Variants in ACTR3C observed in about 807,000 individuals in gnomAD.
ACTR3C encodes actin related protein 3C.
A neutral mutation model predicts 26.3 loss-of-function variants in ACTR3C; 18 were observed. That is an observed-to-expected ratio of 0.68 (90% CI 0.47 to 1.01). The LOEUF is 1.01. Ranked by LOEUF, ACTR3C falls within the 50% of genes least tolerant of loss-of-function variation. The pLI, the probability that ACTR3C is intolerant of heterozygous loss-of-function variation, is 0.00. For synonymous variants in ACTR3C, 55 were observed against 94.5 expected (o/e 0.58, Z 2.42); for missense variants, 184 against 250.7 (o/e 0.73, Z 1.80).
chr7:149,882,587 C>A, the ACTR3C span, among the ~76,000 whole-genome samples: 1 of 152,218 alleles, frequency 6.6e-6, no homozygotes, highest in Non-Finnish European at 1.5e-5. Context: ...TGGTCTCCCA[C>A]CCTTTGGTGA....
chr7:150,180,958 CTTACA>C, the ACTR3C span, among the ~76,000 whole-genome samples: 1 of 151,530 alleles, frequency 6.6e-6, no homozygotes, highest in African/African-American at 2.5e-5. Flanking sequence ...CCCTCATTTA[CTTACA>C]TTAATGTTTT....
At chr7:150,110,432 G>A in the ACTR3C span, among the ~76,000 whole-genome samples, 4 of 139,086 alleles carry the variant, frequency 2.9e-5, no homozygotes, top group Non-Finnish European at 6.4e-5. Flanking sequence ...GCTGGAAGCA[G>A]GTGGGGCTGC....
chr7:149,904,659 G>A, the ACTR3C span, among the ~76,000 whole-genome samples: 5 of 145,650 alleles, frequency 3.4e-5, no homozygotes, highest in South Asian at 5.1e-4. Flanking sequence ...TCGTATCCAC[G>A]AAAGTCAAAT....
At chr7:150,184,990 A>C in the ACTR3C span, among the ~76,000 whole-genome samples, 1 of 151,184 alleles carries the variant, frequency 6.6e-6, no homozygotes, top group Non-Finnish European at 1.5e-5. Flanking sequence ...CAGAAGGATG[A>C]GAGGAAAAGT....
At chr7:150,039,696 CGGGGGGG>C in the ACTR3C span, among the ~76,000 whole-genome samples, 4 of 124,408 alleles carry the variant, frequency 3.2e-5, no homozygotes, top group Admixed American at 7.9e-5. Context: ...GGTCCTAAGC[CGGGGGGG>C]AAGAGGGTCT....
chr7:149,902,008 T>C, the ACTR3C span, among the ~76,000 whole-genome samples: 1 of 149,502 alleles, frequency 6.7e-6, no homozygotes, highest in Non-Finnish European at 1.5e-5. Flanking sequence ...GATTATAGGA[T>C]GTGGGTAACC....
chr7:150,037,159 C>CCA, the ACTR3C span, among the ~76,000 whole-genome samples: 1 of 35,648 alleles, frequency 2.8e-5, no homozygotes, highest in Admixed American at 2.5e-4. Flanking sequence ...GGTGCCTCCC[C>CCA]CCCTGTGATG....
intron 1 of ACTR3C, among the ~76,000 whole-genome samples, chr7:150,322,117 G>C (rs1246611897): frequency 6.6e-6 from 1 of 152,240 alleles, no homozygotes; most frequent in Non-Finnish European, 1.5e-5. Flanking sequence ...AGCTGCAGGA[G>C]TGGCAGAGCA....
the ACTR3C span, among the ~76,000 whole-genome samples, chr7:150,127,650 A>T: frequency 6.6e-6 from 1 of 152,242 alleles, no homozygotes; most frequent in Non-Finnish European, 1.5e-5. Flanking sequence ...GCAGAAAAAC[A>T]TATCCGTTTT....
the ACTR3C span, among the ~76,000 whole-genome samples, chr7:150,128,704 AC>A: frequency 6.6e-6 from 1 of 151,212 alleles, no homozygotes; most frequent in Non-Finnish European, 1.5e-5. Flanking sequence ...GTGATAGTAA[AC>A]CTATAGATTT....
the ACTR3C span, among the ~76,000 whole-genome samples, chr7:150,208,796 C>G: frequency 6.6e-6 from 1 of 152,126 alleles, no homozygotes; most frequent in African/African-American, 2.4e-5. Context: ...CAAAACAATA[C>G]AAATCTCATT....
At chr7:149,968,361 G>A in the ACTR3C span, among the ~76,000 whole-genome samples, 7 of 152,144 alleles carry the variant, frequency 4.6e-5, no homozygotes, top group East Asian at 1.2e-3. Context: ...GTGAAACCCC[G>A]TCTCTACTAA....
chr7:150,277,950 C>T (rs1284006342), intron 6 of ACTR3C, among the ~76,000 whole-genome samples: 1 of 152,178 alleles, frequency 6.6e-6, no homozygotes, highest in Non-Finnish European at 1.5e-5. Context: ...TAAAATCTAA[C>T]TCCATGCGAG....
chr7:150,128,304 T>G, the ACTR3C span, among the ~76,000 whole-genome samples: 2 of 152,202 alleles, frequency 1.3e-5, no homozygotes, highest in Non-Finnish European at 2.9e-5. Flanking sequence ...CTAAATTGCT[T>G]CAGTTTGTAA....
the ACTR3C span, among the ~76,000 whole-genome samples, chr7:150,161,954 T>C: frequency 1.3e-5 from 2 of 152,010 alleles, no homozygotes; most frequent in South Asian, 4.2e-4. Flanking sequence ...ACAAAATACA[T>C]CAGTCATATA....
the ACTR3C span, among the ~76,000 whole-genome samples, chr7:150,066,890 A>G: frequency 3.9e-5 from 6 of 152,238 alleles, no homozygotes; most frequent in Non-Finnish European, 8.8e-5. Context: ...AAGTAAGAAG[A>G]GGCATTTGGT....
At chr7:149,890,751 G>T in the ACTR3C span, 1 of 171,308 alleles carries the variant, frequency 5.8e-6, no homozygotes, top group Non-Finnish European at 1.3e-5. Context: ...AACCAGGTTA[G>T]GCATAGGCAG....
intron 3 of ACTR3C, 46 bp from the exon 4 acceptor site, chr7:150,289,639 G>A (rs1400540839): frequency 8.3e-6 from 13 of 1,569,754 alleles, no homozygotes; most frequent in Non-Finnish European, 1.1e-5. Flanking sequence ...TGATTTCGTG[G>A]TGGAGAGCAG....
At chr7:150,297,876 T>C (rs1795063447) in intron 1 of ACTR3C, among the ~76,000 whole-genome samples, 2 of 149,772 alleles carry the variant, frequency 1.3e-5, no homozygotes, top group Admixed American at 1.3e-4. Context: ...AAAAAAAGAC[T>C]TTTATTTTCT....
Sources: allele counts gnomAD v4.1 joint callset (sites outside exome capture counted in the v4.1 genomes callset), GRCh38; gene constraint gnomAD v4.1.1; transcripts MANE v1.5; gene names NCBI Gene and HGNC (gene_info 2026-07-23, HGNC 2026-07-21).